ATRNL1: variants seen among roughly 807,000 people sequenced by gnomAD.
The protein encoded by ATRNL1 is attractin like 1, also known as attractin-like protein 1.
ATRNL1 carries 95 observed loss-of-function variants against 182.7 expected under a neutral mutation model. The ratio of observed to expected loss-of-function variants is 0.52; its 90% confidence interval spans 0.44 to 0.62. The LOEUF is 0.62. Among genes scored for constraint, ATRNL1 ranks in the 20% least tolerant of loss-of-function variants. ATRNL1 has a pLI of 0.00. For synonymous variants in ATRNL1, 576 were observed against 568.3 expected, an observed-to-expected ratio of 1.01 and a Z score of -0.19; for missense variants, 1,471 against 1,679.5, an observed-to-expected ratio of 0.88 and a Z score of 2.17.
rs79425027 is a variant in ATRNL1 at position 115,778,331 on chromosome 10, A to G, written c.3903+50976A>G. Reference sequence around the variant, plus strand: ...TTATGGCCTATTAGAAGAGGTAAGGAAAAAAAACTGTAATATAGAAAGTAT... The same window carrying G: ...TTATGGCCTATTAGAAGAGGTAAGGGAAAAAAACTGTAATATAGAAAGTAT... On this transcript the variant is annotated intron_variant, in intron 27 of 28. Transcript: ENST00000355044. Among the ~76,000 whole-genome samples, 9 of 152,130 alleles carry G rather than the reference A, an allele frequency of 5.9e-5. No individual in the cohort carries two copies. In the Middle Eastern group the frequency reaches 0.01, roughly 172 times the overall value.
chr10:115,891,089 T>C (rs537037740), intron 28 of ATRNL1, among the ~76,000 whole-genome samples: 1 of 150,550 alleles, frequency 6.6e-6, no homozygotes, highest in East Asian at 1.9e-4. Flanking sequence ...TAAAATATGT[T>C]CTATCTTCCC....
chr10:115,783,998 C>A (rs950653475), intron 27 of ATRNL1, among the ~76,000 whole-genome samples: 1 of 152,020 alleles, frequency 6.6e-6, no homozygotes, highest in Non-Finnish European at 1.5e-5. Context: ...GGTGACAGAG[C>A]GAGACTCCAT....
At chr10:115,614,030 C>A (rs1007982649) in intron 26 of ATRNL1, among the ~76,000 whole-genome samples, 1 of 151,618 alleles carries the variant, frequency 6.6e-6, no homozygotes, top group Non-Finnish European at 1.5e-5. Flanking sequence ...TTGTTTAGTT[C>A]TGCTCTGATC....
chr10:115,121,690 C>T lies in ATRNL1; in HGVS notation c.378-9C>T, dbSNP rs1554871655. The stretch of plus-strand genomic sequence containing the variant: ...TTTAATTTGAAAAATATTTCATATT[C>T]ATTTTCAGTCCAAATGCAGTGTTAA... On this transcript the variant is annotated splice_polypyrimidine_tract_variant and intron_variant, in intron 2 of 28. Transcript: ENST00000355044. 2 of 1,283,392 alleles carry T rather than the reference C, an allele frequency of 1.6e-6. No individual in the cohort carries two copies. Among genetic ancestry groups the T allele is most frequent in the Non-Finnish European group, 2.2e-6 (2 of 926,780 alleles). 79.5% of individuals were successfully genotyped at this position (1,283,392 alleles called of 1,614,324 possible).
At chr10:115,432,708 G>A (rs1846228111) in intron 21 of ATRNL1, among the ~76,000 whole-genome samples, 2 of 151,982 alleles carry the variant, frequency 1.3e-5, no homozygotes, top group African/African-American at 2.4e-5. Context: ...GAGGGAAAAC[G>A]TTCAAACAGT....
chr10:115,738,154 T>TTTTTTTTCTC (rs71010046), intron 27 of ATRNL1, among the ~76,000 whole-genome samples: 1 of 63,870 alleles, frequency 1.6e-5, no homozygotes, highest in African/African-American at 4.5e-5. Flanking sequence ...TTTTTTTTTT[T>TTTTTTTTCTC]TTGAGATGGA....
intron 18 of ATRNL1, among the ~76,000 whole-genome samples, chr10:115,316,274 C>A (rs1293044319): frequency 6.6e-6 from 1 of 152,166 alleles, no homozygotes; most frequent in Non-Finnish European, 1.5e-5. Flanking sequence ...CATGTCCCTG[C>A]AAAGGACATG....
At chr10:115,488,788 G>C (rs570139446) in intron 24 of ATRNL1, among the ~76,000 whole-genome samples, 1 of 152,056 alleles carries the variant, frequency 6.6e-6, no homozygotes, top group African/African-American at 2.4e-5. Context: ...GTTTGTTCTT[G>C]CTTCTCTAGT....
At chr10:115,896,886 G>A (rs1313550054) in intron 28 of ATRNL1, among the ~76,000 whole-genome samples, 6 of 152,032 alleles carry the variant, frequency 3.9e-5, no homozygotes, top group African/African-American at 1.4e-4. Context: ...ATCGAAATAT[G>A]AGTAAACATT....
At chr10:115,720,972 T>A (rs1473285674) in intron 26 of ATRNL1, among the ~76,000 whole-genome samples, 4 of 152,224 alleles carry the variant, frequency 2.6e-5, no homozygotes, top group African/African-American at 9.6e-5. Context: ...TGAGGGGCTG[T>A]TAGCTTCTGA....
In ATRNL1 at chr10:115,481,438, G is replaced by A. The variant is rs186848338; in HGVS notation, c.3654+12109G>A. Among the ~76,000 whole-genome samples, 387 of 150,620 alleles carry A rather than the reference G, an allele frequency of 2.6e-3. 1 individual carries two copies. Among genetic ancestry groups the A allele is most frequent in the African/African-American group, 8.8e-3 (362 of 41,358 alleles). On this transcript the variant is annotated intron_variant, in intron 24 of 28. Transcript: ENST00000355044. ...ATTTATGATTGTATATTATGCACTA[G>A]GCATTATTCAAGGTATTGTATATGA...
chr10:115,298,317 A>G (rs1436240973), intron 15 of ATRNL1, among the ~76,000 whole-genome samples: 9 of 152,162 alleles, frequency 5.9e-5, no homozygotes, highest in Admixed American at 1.3e-4. Flanking sequence ...TTTTCATAAT[A>G]TAGTTATTTA....
chr10:115,536,201 C>T (rs1336467897), intron 25 of ATRNL1, among the ~76,000 whole-genome samples: 1 of 152,096 alleles, frequency 6.6e-6, no homozygotes, highest in Non-Finnish European at 1.5e-5. Flanking sequence ...TTGTCTGTGC[C>T]CTGCCCCCAG....
chr10:115,683,676 T>C (rs1395325566), intron 26 of ATRNL1, among the ~76,000 whole-genome samples: 1 of 151,530 alleles, frequency 6.6e-6, no homozygotes, highest in Non-Finnish European at 1.5e-5. Flanking sequence ...ATTGTAGTGC[T>C]GGAAAATTCA....
intron 26 of ATRNL1, among the ~76,000 whole-genome samples, chr10:115,594,289 T>G (rs1474626523): frequency 6.6e-6 from 1 of 152,204 alleles, no homozygotes; most frequent in Non-Finnish European, 1.5e-5. Flanking sequence ...ATTTCTCACA[T>G]ATTACAGATT....
intron 25 of ATRNL1, among the ~76,000 whole-genome samples, chr10:115,542,958 C>T (rs782066255): frequency 2.0e-4 from 31 of 152,128 alleles, no homozygotes; most frequent in Non-Finnish European, 4.1e-4. Context: ...ATCAGAATCC[C>T]ATGTTTATAA....
chr10:115,259,608 C>T (rs547638434), intron 10 of ATRNL1, among the ~76,000 whole-genome samples: 72 of 152,318 alleles, frequency 4.7e-4, no homozygotes, highest in African/African-American at 1.5e-3. Flanking sequence ...TCGGCTCGCC[C>T]TCTGTGGGCT....
chr10:115,095,048 T>C (rs2084976743), intron 1 of ATRNL1, among the ~76,000 whole-genome samples: 1 of 152,186 alleles, frequency 6.6e-6, no homozygotes, highest in South Asian at 2.1e-4. Context: ...TTTATTACAT[T>C]CTTGCCTGAT....
At chr10:115,219,915 A>G (rs1849385388) in intron 9 of ATRNL1, among the ~76,000 whole-genome samples, 1 of 151,762 alleles carries the variant, frequency 6.6e-6, no homozygotes, top group South Asian at 2.1e-4. Context: ...AAAAACAAAA[A>G]AGAGAGAGAG....
Sources: allele counts gnomAD v4.1 joint callset (sites outside exome capture counted in the v4.1 genomes callset), GRCh38; gene constraint gnomAD v4.1.1; transcripts MANE v1.5; gene names NCBI Gene and HGNC (gene_info 2026-07-23, HGNC 2026-07-21).